Variants in ADAP1 observed in about 807,000 individuals in gnomAD.
ADAP1 encodes the protein ArfGAP with dual PH domains 1, also known as arf-GAP with dual PH domain-containing protein 1.
ADAP1 carries 31 observed loss-of-function variants against 54.9 expected under a neutral mutation model. That is an observed-to-expected ratio of 0.56 (90% CI 0.42 to 0.76). The LOEUF is 0.76. Ranked by LOEUF, ADAP1 falls within the 30% of genes least tolerant of loss-of-function variation. The probability of loss-of-function intolerance (pLI) is 0.00; values close to 1 mark genes in which losing one functional copy is unlikely to be tolerated. For missense variants in ADAP1, 535 were observed against 512.4 expected (o/e 1.04, Z -0.42); for synonymous variants, 313 against 202.6 (o/e 1.55, Z -4.63).
Position 945,873 on chromosome 7 carries a change from T to G in ADAP1, c.82+8523A>C. ...GGCGGAGCCAGGTGGGGCAGGCGTG[T>G]CCCCCAAGCCAAGGCCCAGGCTGGG... On this transcript the variant is annotated intron_variant, in intron 1 of 10. Transcript: ENST00000265846. This position sits in a 1 kb window ranked among gnomAD's most constrained non-coding sequence, Gnocchi z 4.2. 6.1e-6 allele frequency: 6 copies of G among 976,934 alleles called. No individual in the cohort carries two copies. The highest frequency in any genetic ancestry group is 7.3e-6 in the Non-Finnish European group (6 of 822,260). The allele number at this position is 976,934 out of a possible 1,614,324, so 60.5% of individuals were successfully genotyped here.
intron 1 of ADAP1, among the ~76,000 whole-genome samples, chr7:940,770 C>T (rs1846920417): frequency 6.6e-6 from 1 of 152,178 alleles, no homozygotes; most frequent in South Asian, 2.1e-4. Context: ...AAGAGTAATA[C>T]ACCATGATCA....
chr7:916,014 G>A (rs1242524414), intron 4 of ADAP1, among the ~76,000 whole-genome samples: 1 of 152,174 alleles, frequency 6.6e-6, no homozygotes, highest in Non-Finnish European at 1.5e-5. Context: ...CCCCACTTCT[G>A]GAGCCCAGAC....
At chr7:903,983 C>T (rs898562073) in intron 6 of ADAP1, 143 bp downstream of exon 6, 9 of 1,142,770 alleles carry the variant, frequency 7.9e-6, no homozygotes, top group Non-Finnish European at 1.1e-5. Flanking sequence ...CCACGCTGCC[C>T]AGCCCGACTT....
chr7:900,048 G>C (rs893892716), intron 8 of ADAP1, 54 bp downstream of exon 8: 36 of 1,601,936 alleles, frequency 2.2e-5, no homozygotes, highest in Middle Eastern at 1.7e-4. Context: ...TTCAGTCCGA[G>C]ACCCACCATG....
chr7:901,058 C>T (rs1292569825), intron 6 of ADAP1: 1 of 471,528 alleles, frequency 2.1e-6, no homozygotes, highest in African/African-American at 2.0e-5. Context: ...AAGGGAGGCT[C>T]ATCTGTTTAT....
intron 2 of ADAP1, among the ~76,000 whole-genome samples, chr7:933,362 G>A (rs906577139): frequency 2.0e-5 from 3 of 152,076 alleles, no homozygotes; most frequent in African/African-American, 4.8e-5. Flanking sequence ...ACACCTGGTC[G>A]AGGCACTGGG....
rs1844678386 is a variant in ADAP1, at chr7:899,555, CAGCACA to C, written c.796-71_796-66del. 5.6e-5 allele frequency: 87 copies of C among 1,548,964 alleles called. No homozygotes were observed. In the South Asian group the frequency reaches 9.5e-4, roughly 17 times the overall value. On this transcript the variant is annotated intron_variant, in intron 8 of 10. Coordinates refer to ENST00000265846, the MANE Select transcript of ADAP1 (RefSeq NM_006869.4). ...GGCAGGCCCTACATCCAGCTGACCA[CAGCACA>C]CCCCGGAGGGCAGGGCCCAGACTGG...
intron 4 of ADAP1, among the ~76,000 whole-genome samples, chr7:917,794 A>C (rs1845996424): frequency 6.6e-6 from 1 of 151,928 alleles, no homozygotes; most frequent in African/African-American, 2.4e-5. Context: ...TGTTACAGAC[A>C]CACTCTCGCT....
intron 8 of ADAP1, among the ~76,000 whole-genome samples, chr7:899,897 G>A (rs1844701669): frequency 6.6e-6 from 1 of 152,232 alleles, no homozygotes; most frequent in Admixed American, 6.5e-5. Flanking sequence ...GGTCAGACGT[G>A]AGCGGGCAGG....
chr7:913,993 CAG>C lies in ADAP1; in HGVS notation c.388+5973_388+5974del, dbSNP rs1407068568. ...TGATCCTTCCTTTTGGGTGGCCTAA[CAG>C]AGGGATGGAGTGGGGCTCCGCCTTC... On this transcript the variant is annotated intron_variant, in intron 4 of 10. Transcript: ENST00000265846. Among the ~76,000 whole-genome samples, 28 of 152,196 alleles carry C rather than the reference CAG, an allele frequency of 1.8e-4. 1 individual carries two copies. The highest frequency in any genetic ancestry group is 1.8e-3 in the Admixed American group (28 of 15,284).
At position 946,528 on chromosome 7, in the gene ADAP1, C is replaced by T. The variant is rs1583189184; in HGVS notation, c.82+7868G>A. 6.6e-6 allele frequency among the ~76,000 whole-genome samples: 1 copy of T among 152,176 alleles called. No individual in the cohort carries two copies. The highest frequency in any genetic ancestry group is 2.4e-5 in the African/African-American group (1 of 41,454). ...CGGACACAGTCCATTTTCAGAATCC[C>T]CCAAGGACCCCCCCAGGCTCTGCCC... On this transcript the variant is annotated intron_variant, in intron 1 of 10. Coordinates refer to ENST00000265846, the MANE Select transcript of ADAP1 (RefSeq NM_006869.4). This position sits in a 1 kb window ranked among gnomAD's most constrained non-coding sequence, Gnocchi z 4.3.
intron 4 of ADAP1, among the ~76,000 whole-genome samples, chr7:906,505 GAGAAAGGAGAAAGGA>G (rs1562914456): frequency 2.3e-4 from 1 of 4,270 alleles, no homozygotes; most frequent in Non-Finnish European, 3.9e-4. Context: ...AGGAGAAAGG[GAGAAAGGAGAAAGGA>G]GAAAGGGAAA....
intron 4 of ADAP1, among the ~76,000 whole-genome samples, chr7:914,259 G>A (rs1049343683): frequency 6.6e-6 from 1 of 152,224 alleles, no homozygotes; most frequent in African/African-American, 2.4e-5. Flanking sequence ...GGTTGTGGGT[G>A]TGGCAGGCCC....
chr7:920,240 C>T lies in ADAP1; in HGVS notation c.306-190G>A, dbSNP rs1472481727. On this transcript the variant is annotated intron_variant, in intron 3 of 10. Coordinates refer to ENST00000265846, the MANE Select transcript of ADAP1 (RefSeq NM_006869.4). This position sits in a 1 kb window ranked among gnomAD's most constrained non-coding sequence, Gnocchi z 4.5. ...CCTCCTGCCCGGGACGCTTCTCACT[C>T]TGATATTAGTTTATTGGTTTCTTGT... 6.6e-6 allele frequency among the ~76,000 whole-genome samples: 1 copy of T among 152,140 alleles called. No individual in the cohort carries two copies. The highest frequency in any genetic ancestry group is 1.5e-5 in the Non-Finnish European group (1 of 68,010).
At chr7:923,854 C>T (rs1001860015) in intron 3 of ADAP1, among the ~76,000 whole-genome samples, 8 of 152,192 alleles carry the variant, frequency 5.3e-5, no homozygotes, top group Admixed American at 2.0e-4. Context: ...CCAGGCTGCA[C>T]GGAGGCCGTG....
intron 4 of ADAP1, among the ~76,000 whole-genome samples, chr7:919,200 C>T (rs1316955431): frequency 6.6e-6 from 1 of 152,160 alleles, no homozygotes; most frequent in Non-Finnish European, 1.5e-5. Flanking sequence ...GCCGCACCCT[C>T]CCCACCTGCA....
intron 5 of ADAP1, among the ~76,000 whole-genome samples, chr7:904,526 C>G (rs376930835): frequency 6.6e-6 from 1 of 152,134 alleles, no homozygotes; most frequent in East Asian, 1.9e-4. Flanking sequence ...CCTCCCTCCC[C>G]GGGGGCAGCC....
At chr7:921,355 T>G (rs1006207336) in intron 3 of ADAP1, among the ~76,000 whole-genome samples, 1 of 152,264 alleles carries the variant, frequency 6.6e-6, no homozygotes, top group Non-Finnish European at 1.5e-5. Context: ...AGGGTCTCAC[T>G]GTGTCTCCCA....
In ADAP1 at chr7:947,671, C is replaced by T. The variant is rs78554033; in HGVS notation, c.82+6725G>A. On this transcript the variant is annotated intron_variant, in intron 1 of 10. Coordinates refer to ENST00000265846, the MANE Select transcript of ADAP1 (RefSeq NM_006869.4). ...GCTTTGACCCTCCCCACACTCACGC[C>T]CCGCCCTAGGCCTAGCCACCGCCAC... is the stretch of plus-strand genomic sequence containing the variant. Among the ~76,000 whole-genome samples, 513 of 152,256 alleles carry T rather than the reference C, an allele frequency of 3.4e-3. 4 individuals are homozygous for T. The highest frequency in any genetic ancestry group is 0.012 in the African/African-American group (498 of 41,540).
Sources: allele counts gnomAD v4.1 joint callset (sites outside exome capture counted in the v4.1 genomes callset), GRCh38; gene constraint gnomAD v4.1.1; non-coding constraint Gnocchi (gnomAD v3.1); transcripts MANE v1.5; gene names NCBI Gene and HGNC (gene_info 2026-07-23, HGNC 2026-07-21).